KRAS: variants seen among roughly 807,000 people sequenced by gnomAD.
The protein encoded by KRAS is GTPase KRas.
Under a neutral mutation model 21.0 loss-of-function variants are expected in KRAS, and 1 was observed. The ratio of observed to expected loss-of-function variants is 0.05; its 90% CI spans 0.02 to 0.23. The LOEUF is 0.23. Ranked by LOEUF, KRAS falls within the 10% of genes least tolerant of loss-of-function variation. The pLI, the probability that KRAS is intolerant of heterozygous loss-of-function variation, is 1.00. For synonymous variants in KRAS, 67 were observed against 72.5 expected (o/e 0.92, Z 0.39); for missense variants, 107 against 221.8 (o/e 0.48, Z 3.29).
intron 2 of KRAS, among the ~76,000 whole-genome samples, chr12:25,241,689 A>G (rs1378496386): frequency 6.6e-6 from 1 of 152,192 alleles, no homozygotes; most frequent in African/African-American, 2.4e-5. Context: ...CGTGCACTGC[A>G]GGAAGTTTAA....
In KRAS at chr12:25,244,867, A is replaced by T. The variant is rs146269469; in HGVS notation, c.111+407T>A. 2.4e-3 allele frequency among the ~76,000 whole-genome samples: 359 copies of T among 152,274 alleles called. 4 individuals are homozygous for T. Among genetic ancestry groups the T allele is most frequent in the African/African-American group, 8.3e-3 (345 of 41,550 alleles). On this transcript the variant is annotated intron_variant, in intron 2 of 4. Transcript: ENST00000311936. ...TAGGAAAATACTGCTGATGAAGTTTAAAAAAATCAACCATCAAACAATTAT... is the reference window on the plus strand; with the variant it reads ...TAGGAAAATACTGCTGATGAAGTTTTAAAAAATCAACCATCAAACAATTAT...
intron 1 of KRAS, among the ~76,000 whole-genome samples, chr12:25,249,615 G>A (rs1478986642): frequency 2.9e-5 from 1 of 34,884 alleles, no homozygotes; most frequent in Non-Finnish European, 7.6e-5. Context: ...AAAAGGAGAT[G>A]CACATGTTTA....
intron 4 of KRAS, among the ~76,000 whole-genome samples, chr12:25,222,802 C>G (rs1048170872): frequency 6.6e-6 from 1 of 152,110 alleles, no homozygotes; most frequent in Non-Finnish European, 1.5e-5. Context: ...GTATTAAGGT[C>G]AAATAGCAAG....
chr12:25,250,107 T>A (rs1951745162), intron 1 of KRAS, among the ~76,000 whole-genome samples: 1 of 151,964 alleles, frequency 6.6e-6, no homozygotes, highest in Non-Finnish European at 1.5e-5. Context: ...AGATGCATTT[T>A]TTTCCAAACA....
chr12:25,226,362 T>C (rs1951391538), intron 3 of KRAS, among the ~76,000 whole-genome samples: 1 of 152,146 alleles, frequency 6.6e-6, no homozygotes, highest in Non-Finnish European at 1.5e-5. Context: ...TTTAGGTGAC[T>C]TTCAAAGACA....
chr12:25,243,976 A>G (rs1951643846), intron 2 of KRAS, among the ~76,000 whole-genome samples: 1 of 152,220 alleles, frequency 6.6e-6, no homozygotes, highest in Admixed American at 6.5e-5. Context: ...GTTTAAATCA[A>G]ATCTTTGCAA....
intron 4 of KRAS, among the ~76,000 whole-genome samples, chr12:25,217,431 A>G (rs182249867): frequency 2.0e-5 from 3 of 152,334 alleles, no homozygotes; most frequent in African/African-American, 7.2e-5. Context: ...ACGTGATTAT[A>G]TGTTAAAATG....
At chr12:25,248,105 C>T (rs186591325) in intron 1 of KRAS, among the ~76,000 whole-genome samples, 110 of 152,180 alleles carry the variant, frequency 7.2e-4, no homozygotes, top group African/African-American at 2.5e-3. Flanking sequence ...AAGCGATCCT[C>T]CCGCCTCAGT....
intron 4 of KRAS, among the ~76,000 whole-genome samples, chr12:25,221,205 AC>A (rs1951320452): frequency 1.3e-5 from 2 of 151,984 alleles, no homozygotes; most frequent in African/African-American, 4.8e-5. Flanking sequence ...TCAGCATATT[AC>A]AGCCAATGGA....
At chr12:25,212,740 T>C (rs2141484917) in intron 4 of KRAS, among the ~76,000 whole-genome samples, 1 of 152,240 alleles carries the variant, frequency 6.6e-6, no homozygotes, top group Middle Eastern at 3.4e-3. Flanking sequence ...TGTTTATCAT[T>C]GTCAAATTTT....
Position 25,227,257 on chromosome 12 carries a change from T to C in KRAS, c.267A>G (p.Ser89=). 2 of 1,613,444 alleles carry C rather than the reference T, an allele frequency of 1.2e-6. No homozygotes were observed. The highest frequency in any genetic ancestry group is 1.7e-6 in the Non-Finnish European group (2 of 1,179,422). ...LCVFAINNTK[S]FEDIHHYREQ... ...ACCTATAATGGTGAATATCTTCAAA[T>C]GATTTAGTATTATTTATGGCAAATA... is the stretch of plus-strand genomic sequence containing the variant. Residue 89 remains serine, a synonymous_variant, in exon 3 of 5, where the codon TCA becomes TCG. Coordinates refer to ENST00000311936, the MANE Select transcript of KRAS (RefSeq NM_004985.5).
chr12:25,236,207 T>C (rs1419979430), intron 2 of KRAS, among the ~76,000 whole-genome samples: 2 of 150,946 alleles, frequency 1.3e-5, no homozygotes. Context: ...AAGTAAGGAG[T>C]TTTAAACTTC....
At chr12:25,243,561 C>G (rs1951638218) in intron 2 of KRAS, among the ~76,000 whole-genome samples, 1 of 152,190 alleles carries the variant, frequency 6.6e-6, no homozygotes. Context: ...TTATCACATT[C>G]ATGACGTCAT....
chr12:25,221,267 C>T (rs926080519), intron 4 of KRAS, among the ~76,000 whole-genome samples: 2 of 148,896 alleles, frequency 1.3e-5, no homozygotes, highest in East Asian at 2.0e-4. Flanking sequence ...GAGTCTCGCT[C>T]GGTCGTCCAG....
intron 1 of KRAS, among the ~76,000 whole-genome samples, chr12:25,250,467 G>A (rs1297807778): frequency 5.3e-5 from 8 of 152,116 alleles, no homozygotes; most frequent in Admixed American, 5.2e-4. Flanking sequence ...TCGGGGAGGA[G>A]GAAGGAAGGG....
chr12:25,235,382 G>C (rs7133640), intron 2 of KRAS, among the ~76,000 whole-genome samples: 28,889 of 152,138 alleles, frequency 0.19, 2,863 homozygotes, highest in Middle Eastern at 0.24. Context: ...AATTATAATA[G>C]GGAAGAAACA....
intron 4 of KRAS, among the ~76,000 whole-genome samples, chr12:25,214,548 C>T (rs1232606747): frequency 2.0e-5 from 3 of 152,038 alleles, no homozygotes; most frequent in South Asian, 2.1e-4. Context: ...CCACCACGCC[C>T]GGCTAATTTT....
chr12:25,247,060 AT>A (rs547687151), intron 1 of KRAS, among the ~76,000 whole-genome samples: 1 of 152,170 alleles, frequency 6.6e-6, no homozygotes, highest in Non-Finnish European at 1.5e-5. Flanking sequence ...AATAAAACAT[AT>A]TTTTTAGTTA....
At chr12:25,225,923 A>G (rs1951386856) in intron 3 of KRAS, 150 bp from the exon 4 acceptor site, 1 of 681,102 alleles carries the variant, frequency 1.5e-6, no homozygotes, top group Non-Finnish European at 2.5e-6. Flanking sequence ...TTCTTCTACT[A>G]GTTATTTTGT....
Sources: gnomAD v4.1 joint callset for allele counts (sites outside exome capture counted in the v4.1 genomes callset) on GRCh38, gnomAD v4.1.1 for gene constraint, MANE v1.5 for transcripts, NCBI Gene and HGNC (gene_info 2026-07-23, HGNC 2026-07-21) for gene names.